The following JAK1 variants were observed in gnomAD, a reference collection of about 807,000 sequenced individuals.
JAK1 encodes the protein Janus kinase 1.
A neutral mutation model predicts 136.6 loss-of-function variants in JAK1; 16 were observed. The observed-to-expected ratio is 0.12, with a 90% CI of 0.08 to 0.18. The LOEUF (loss-of-function observed/expected upper bound fraction) is 0.18. Among genes scored for constraint, JAK1 ranks in the 10% least tolerant of loss-of-function variants. The pLI, the probability that JAK1 is intolerant of heterozygous loss-of-function variation, is 1.00. For synonymous variants in JAK1, 492 were observed against 519.5 expected (o/e 0.95, Z 0.72); for missense variants, 859 against 1,450.1 (o/e 0.59, Z 6.62).
At chr1:64,885,565 A>G (rs185291712) in intron 2 of JAK1, among the ~76,000 whole-genome samples, 38 of 152,316 alleles carry the variant, frequency 2.5e-4, no homozygotes, top group Admixed American at 4.6e-4. Flanking sequence ...CAGCCTGACC[A>G]ACATGGTGAA....
rs780665296 is a variant in JAK1 at position 64,864,864 on chromosome 1, A to T, written c.1099T>A (p.Ser367Thr). 3.7e-6 allele frequency: 6 copies of T among 1,613,730 alleles called. No individual in the cohort carries two copies. The African/African-American group carries it at 6.7e-5, about 18-fold the overall frequency. ...NKIREEWNNF[S>T]YFPEITHIVI... Reference sequence around the variant, plus strand: ...ATGTGAGTGATTTCAGGGAAGTAAGAAAAATTGTTCCACTCTTCCCGGATC... The same window carrying T: ...ATGTGAGTGATTTCAGGGAAGTAAGTAAAATTGTTCCACTCTTCCCGGATC... The change falls in exon 8 of 25, where the codon TCT becomes ACT. Residue 367 changes from serine to threonine, a missense_variant. Coordinates refer to ENST00000342505, the MANE Select transcript of JAK1 (RefSeq NM_002227.4).
chr1:65,040,206 ACCC>A (rs1170270367), intron 2 of JAK1, among the ~76,000 whole-genome samples: 2 of 147,820 alleles, frequency 1.4e-5, no homozygotes, highest in African/African-American at 2.5e-5. Context: ...CTAGAGCAAG[ACCC>A]TGTCTCCAAA....
chr1:64,862,140 G>T (rs757215145), intron 8 of JAK1, among the ~76,000 whole-genome samples: 1 of 152,218 alleles, frequency 6.6e-6, no homozygotes, highest in Non-Finnish European at 1.5e-5. Flanking sequence ...ACGAGGGCAT[G>T]AGATTCTAAA....
Position 64,853,548 on chromosome 1 carries a change from T to C in JAK1, c.1648+1961A>G, listed in dbSNP as rs374079923. Among the ~76,000 whole-genome samples the C allele has an allele frequency of 1.2e-4, 18 of 151,382 alleles. 1 individual carries two copies. The highest frequency in any genetic ancestry group is 3.9e-4 in the Admixed American group (6 of 15,220). On this transcript the variant is annotated intron_variant, in intron 11 of 24. Transcript: ENST00000342505. Reference sequence around the variant, plus strand: ...ACAACGCCTGGCAAACTGTAAGCCCTGCTCACATGATAGCAGCCGTTCTTA... The same window carrying C: ...ACAACGCCTGGCAAACTGTAAGCCCCGCTCACATGATAGCAGCCGTTCTTA...
chr1:64,851,049 A>G, intron 11 of JAK1, 139 bp from the exon 12 acceptor site: 1 of 655,808 alleles, frequency 1.5e-6, no homozygotes, highest in South Asian at 1.7e-5. Flanking sequence ...CTTATTCAAT[A>G]GGCATATGGC....
chr1:64,869,781 G>T (rs1277794513), intron 5 of JAK1, among the ~76,000 whole-genome samples: 1 of 152,204 alleles, frequency 6.6e-6, no homozygotes, highest in East Asian at 1.9e-4. Context: ...ACTAGGCCTG[G>T]ACTGCGCCAG....
At chr1:65,046,120 A>G (rs1056350356) in intron 1 of JAK1, among the ~76,000 whole-genome samples, 6 of 152,194 alleles carry the variant, frequency 3.9e-5, no homozygotes, top group African/African-American at 1.2e-4. Flanking sequence ...TGCACAGAAA[A>G]ATGGAGAGCA....
chr1:64,839,354 G>A (rs1413855991), intron 20 of JAK1: 2 of 399,008 alleles, frequency 5.0e-6, no homozygotes, highest in Non-Finnish European at 8.9e-6. Flanking sequence ...TAAGGCATAA[G>A]TGCAAGTGAC....
chr1:64,941,784 T>C (rs1645894145), intron 1 of JAK1, among the ~76,000 whole-genome samples: 1 of 152,190 alleles, frequency 6.6e-6, no homozygotes, highest in Non-Finnish European at 1.5e-5. Flanking sequence ...TTAGTGGAAA[T>C]GTCTGAATCT....
At chr1:64,855,414 C>T in intron 11 of JAK1, 95 bp downstream of exon 11, 1 of 1,131,624 alleles carries the variant, frequency 8.8e-7, no homozygotes, top group Non-Finnish European at 1.3e-6. Context: ...TGGGGAGGGT[C>T]CACTTTGTTT....
intron 2 of JAK1, among the ~76,000 whole-genome samples, chr1:65,034,544 G>T (rs1246387984): frequency 3.3e-5 from 5 of 152,122 alleles, no homozygotes; most frequent in Non-Finnish European, 7.4e-5. Context: ...TAATCTAGTT[G>T]TTAGAAAGGT....
chr1:64,906,682 G>C (rs763440157), intron 1 of JAK1, among the ~76,000 whole-genome samples: 1 of 152,180 alleles, frequency 6.6e-6, no homozygotes, highest in East Asian at 1.9e-4. Context: ...CAGTTTTGTT[G>C]TATCTGCAGT....
Position 64,838,504 on chromosome 1 carries a change from G to A in JAK1, c.2928C>T (p.Asn976=), listed in dbSNP as rs772224443. ...CGGCATATTTTAGCTGCTGTTTGAG[G>A]TTTATTTTGTTCTTATTCTTTGGAA... ...EYLPKNKNKI[N]LKQQLKYAVQ... is the part of the protein sequence containing the mutation. Residue 976 remains asparagine (N), a synonymous_variant, in exon 21 of 25, where the codon AAC becomes AAT. Transcript: ENST00000342505. 2 of 1,613,902 alleles carry A rather than the reference G, an allele frequency of 1.2e-6. No individual in the cohort carries two copies. The highest frequency in any genetic ancestry group is 3.3e-5 in the Admixed American group (2 of 60,008).
At position 64,844,168 on chromosome 1, in the gene JAK1, A is replaced by G. The variant is rs1557625887; in HGVS notation, c.2299T>C (p.Ser767Pro). The part of the protein sequence containing the change: ...PWIAPECVED[S>P]KNLSVAADKW... ...TCAGCAGCCACACTCAGGTTCTTGG[A>G]GTCCTCAACACACTCAGGAGCAATC... is the stretch of plus-strand genomic sequence containing the variant. The change falls in exon 17 of 25, where the codon TCC (serine) becomes CCC (proline). Residue 767 changes from serine (S) to proline (P), a missense_variant. This residue lies in a region of JAK1 where 409 missense variants were observed against 753.8 expected (regional missense o/e 0.54). Transcript: ENST00000342505. The surrounding 1 kb of genome is among the most constrained non-coding windows in gnomAD (Gnocchi z 5.7). The G allele has an allele frequency of 1.2e-6, 2 of 1,614,232 alleles. No homozygotes were observed. Among genetic ancestry groups the G allele is most frequent in the Non-Finnish European group, 1.7e-6 (2 of 1,180,044 alleles).
intron 2 of JAK1, among the ~76,000 whole-genome samples, chr1:64,885,613 C>T (rs1248778815): frequency 2.0e-5 from 3 of 151,860 alleles, no homozygotes; most frequent in Non-Finnish European, 2.9e-5. Flanking sequence ...ATTAGCTGGG[C>T]GTGGTGGCAT....
intron 2 of JAK1, among the ~76,000 whole-genome samples, chr1:65,024,053 T>C (rs1646958219): frequency 6.6e-6 from 1 of 152,194 alleles, no homozygotes; most frequent in African/African-American, 2.4e-5. Flanking sequence ...TTTTGGCTGT[T>C]ATGAATACAA....
chr1:64,923,019 T>C (rs752282078), intron 1 of JAK1, among the ~76,000 whole-genome samples: 1 of 152,204 alleles, frequency 6.6e-6, no homozygotes, highest in Non-Finnish European at 1.5e-5. Context: ...TAAAGTAAAT[T>C]TGGAATACAA....
intron 20 of JAK1, among the ~76,000 whole-genome samples, chr1:64,839,099 T>C (rs1322971921): frequency 4.4e-5 from 6 of 137,194 alleles, no homozygotes; most frequent in African/African-American, 1.8e-4. Context: ...TGAGCCGAGA[T>C]TGCGCCACTG....
intron 4 of JAK1, among the ~76,000 whole-genome samples, chr1:64,877,029 T>A (rs563086862): frequency 1.3e-5 from 2 of 152,346 alleles, no homozygotes; most frequent in African/African-American, 4.8e-5. Flanking sequence ...CAGAATATGG[T>A]TGTCTTATGC....
Sources: allele counts gnomAD v4.1 joint callset (sites outside exome capture counted in the v4.1 genomes callset), GRCh38; gene constraint gnomAD v4.1.1; regional missense constraint gnomAD v4.1.1; non-coding constraint Gnocchi (gnomAD v3.1); transcripts MANE v1.5; gene names NCBI Gene and HGNC (gene_info 2026-07-23, HGNC 2026-07-21).